AOX1: variants seen among roughly 807,000 people sequenced by gnomAD.
AOX1 encodes aldehyde oxidase.
A neutral mutation model predicts 169.5 loss-of-function variants in AOX1; 153 were observed. The ratio of observed to expected loss-of-function variants is 0.90; its 90% CI spans 0.79 to 1.03. The LOEUF is 1.03. AOX1 is among the 50% of genes least tolerant of loss of function. The pLI, the probability that AOX1 is intolerant of heterozygous loss-of-function variation, is 0.00. For missense variants in AOX1, 1,656 were observed against 1,663.9 expected (o/e 1.00, Z 0.08); for synonymous variants, 562 against 581.9 (o/e 0.97, Z 0.49).
chr2:200,631,476 T>G (rs1177268268), intron 20 of AOX1, among the ~76,000 whole-genome samples: 1 of 152,196 alleles, frequency 6.6e-6, no homozygotes, highest in Non-Finnish European at 1.5e-5. Context: ...GATAGACACA[T>G]TCACATCTTA....
intron 16 of AOX1, among the ~76,000 whole-genome samples, chr2:200,619,222 C>T (rs1036225565): frequency 1.3e-5 from 2 of 152,162 alleles, no homozygotes; most frequent in Non-Finnish European, 2.9e-5. Context: ...CTCTTCCCTC[C>T]TGCCATATGA....
At position 200,621,178 on chromosome 2, in the gene AOX1, GA is replaced by G. The variant is rs2034879903; in HGVS notation, c.1935del (p.Glu645AspfsTer49). 1.2e-6 allele frequency: 2 copies of G among 1,614,016 alleles called. No individual in the cohort carries two copies. The highest frequency in any genetic ancestry group is 3.3e-5 in the Admixed American group (2 of 60,002). ...MPGVVDIMTA[E>X]HLSDVNSFCF... ...CGGTGTGGTGGACATCATGACAGCA[GA>G]ACATCTTAGTGACGTCAACTCCTTC... On this transcript the variant is annotated frameshift_variant, in exon 18 of 35. Coordinates refer to ENST00000374700, the MANE Select transcript of AOX1 (RefSeq NM_001159.4). LOFTEE classifies it high-confidence loss of function.
At chr2:200,594,444 G>A (rs1215305688) in intron 2 of AOX1, among the ~76,000 whole-genome samples, 1 of 152,190 alleles carries the variant, frequency 6.6e-6, no homozygotes, top group East Asian at 1.9e-4. Context: ...CCACAGGTAG[G>A]TGGATCAGAG....
chr2:200,662,965 A>G lies in AOX1; in HGVS notation c.3539A>G (p.His1180Arg), dbSNP rs1559261369. The G allele has an allele frequency of 1.2e-6, 2 of 1,613,524 alleles. 1 individual carries two copies. Among genetic ancestry groups the G allele is most frequent in the East Asian group, 4.5e-5 (2 of 44,892 alleles). Residue 1180 changes from histidine (H) to arginine (R), a missense_variant, in exon 31 of 35, where the codon CAT becomes CGT. Transcript: ENST00000374700. ...EVEIDCLTGDHKNIRTDIVMD... is the reference protein window; with the variant it reads ...EVEIDCLTGDRKNIRTDIVMD... Reference sequence around the variant, plus strand: ...GAAATAGACTGCCTGACGGGGGATCATAAGGTCAGTACCGGTTGGAAAGGT... The same window carrying G: ...GAAATAGACTGCCTGACGGGGGATCGTAAGGTCAGTACCGGTTGGAAAGGT...
intron 34 of AOX1, 54 bp downstream of exon 34, chr2:200,669,796 C>T: frequency 6.3e-7 from 1 of 1,583,398 alleles, no homozygotes; most frequent in Non-Finnish European, 8.6e-7. Context: ...GAATTTTTGG[C>T]CTCTGTTCTT....
chr2:200,664,407 G>A (rs2035889181), intron 31 of AOX1, among the ~76,000 whole-genome samples: 1 of 152,228 alleles, frequency 6.6e-6, no homozygotes, highest in South Asian at 2.1e-4. Flanking sequence ...TTATAGGCCT[G>A]AGCCACTGTG....
At chr2:200,606,298 G>A (rs1411757316) in intron 10 of AOX1, among the ~76,000 whole-genome samples, 16 of 152,160 alleles carry the variant, frequency 1.1e-4, no homozygotes, top group Admixed American at 8.5e-4. Flanking sequence ...GGTTGTGGAT[G>A]TGTGGTTTTA....
chr2:200,600,520 A>G (rs1007872164), intron 5 of AOX1, among the ~76,000 whole-genome samples: 3 of 151,938 alleles, frequency 2.0e-5, no homozygotes, highest in Non-Finnish European at 4.4e-5. Context: ...ACGTTTTTTT[A>G]AGTGATACCC....
chr2:200,596,189 C>A (rs1025120473), intron 3 of AOX1, among the ~76,000 whole-genome samples: 1 of 152,228 alleles, frequency 6.6e-6, no homozygotes, highest in Non-Finnish European at 1.5e-5. Flanking sequence ...CAGATATCTG[C>A]CTGTGTTCCA....
At chr2:200,599,853 T>C in intron 5 of AOX1, 107 bp downstream of exon 5, 2 of 912,482 alleles carry the variant, frequency 2.2e-6, no homozygotes, top group Non-Finnish European at 2.9e-6. Context: ...GGCGCAATCT[T>C]GGCCCCACTG....
chr2:200,662,522 TGTAAAA>T (rs2035847154), intron 30 of AOX1, among the ~76,000 whole-genome samples: 1 of 151,960 alleles, frequency 6.6e-6, no homozygotes. Context: ...TAGCGTTTGG[TGTAAAA>T]TGAAGGTTGA....
chr2:200,657,184 A>ATTTTTTTTTTT (rs1284180212), intron 27 of AOX1, among the ~76,000 whole-genome samples: 1 of 64,772 alleles, frequency 1.5e-5, no homozygotes, highest in African/African-American at 6.6e-5. Flanking sequence ...ATATATATAT[A>ATTTTTTTTTTT]TATATATTTT....
At chr2:200,606,896 G>GT (rs1283922978) in intron 10 of AOX1, among the ~76,000 whole-genome samples, 1 of 152,132 alleles carries the variant, frequency 6.6e-6, no homozygotes, top group African/African-American at 2.4e-5. Context: ...AGACGATGGG[G>GT]TTTTCTAAGT....
chr2:200,586,888 C>G (rs923791714), intron 1 of AOX1, among the ~76,000 whole-genome samples: 1 of 152,164 alleles, frequency 6.6e-6, no homozygotes, highest in African/African-American at 2.4e-5. Flanking sequence ...TTTAAAACAC[C>G]CCCCTTAATG....
intron 25 of AOX1, among the ~76,000 whole-genome samples, chr2:200,644,383 T>G (rs555206396): frequency 3.3e-5 from 5 of 152,216 alleles, no homozygotes; most frequent in Non-Finnish European, 7.4e-5. Flanking sequence ...GTATTTGGGT[T>G]CTCTATTCTG....
At chr2:200,659,053 C>A in intron 27 of AOX1, 112 bp from the exon 28 acceptor site, 1 of 1,024,322 alleles carries the variant, frequency 9.8e-7, no homozygotes, top group East Asian at 2.8e-5. Context: ...GGTTCTGCTC[C>A]CTTGTCCCTG....
intron 20 of AOX1, among the ~76,000 whole-genome samples, chr2:200,630,832 A>T (rs1490958057): frequency 6.6e-6 from 1 of 152,192 alleles, no homozygotes; most frequent in Non-Finnish European, 1.5e-5. Flanking sequence ...AGTGTCCCAC[A>T]CTGGGGCCTG....
In AOX1 at chr2:200,609,381, G is replaced by C. The variant is rs774313448; in HGVS notation, c.1120G>C (p.Val374Leu). Residue 374 changes from valine (V) to leucine (L), a missense_variant, in exon 12 of 35, where the codon GTG becomes CTG. By Grantham distance (32) the Val-to-Leu change is conservative. Transcript: ENST00000374700. ...TTCAGATCTGAATCCCATCCTGGCT[G>C]TGGGTAACTGTACCCTCAACTTGCT... ...PDSDLNPILA[V>L]GNCTLNLLSK... The C allele has an allele frequency of 6.2e-7, 1 of 1,614,092 alleles. No homozygotes were observed.
intron 10 of AOX1, among the ~76,000 whole-genome samples, chr2:200,606,606 A>G (rs1260535486): frequency 6.6e-6 from 1 of 152,168 alleles, no homozygotes; most frequent in African/African-American, 2.4e-5. Flanking sequence ...GATTCTTCCT[A>G]TCCATGAGCA....
Sources: gnomAD v4.1 joint callset for allele counts (sites outside exome capture counted in the v4.1 genomes callset) on GRCh38, gnomAD v4.1.1 for gene constraint, MANE v1.5 for transcripts, NCBI Gene and HGNC (gene_info 2026-07-23, HGNC 2026-07-21) for gene names.